The following BMPR1A variants were observed in gnomAD, a reference collection of about 807,000 sequenced individuals.
BMPR1A encodes bone morphogenetic protein receptor type 1A.
A neutral mutation model predicts 66.0 loss-of-function variants in BMPR1A; 7 were observed. The observed-to-expected ratio is 0.11, with a 90% confidence interval of 0.06 to 0.20. The LOEUF is 0.20. Ranked by LOEUF, BMPR1A falls within the 10% of genes least tolerant of loss-of-function variation. BMPR1A has a pLI of 1.00. For missense variants in BMPR1A, 408 were observed against 669.1 expected (o/e 0.61, Z 4.31); for synonymous variants, 200 against 229.7 (o/e 0.87, Z 1.17).
intron 1 of BMPR1A, among the ~76,000 whole-genome samples, chr10:86,815,620 G>A (rs957809282): frequency 5.9e-5 from 9 of 152,282 alleles, no homozygotes; most frequent in African/African-American, 2.2e-4. Flanking sequence ...GGTTTTATCT[G>A]TAACTGGAGA....
chr10:86,873,438 TA>T (rs56028836), intron 2 of BMPR1A, among the ~76,000 whole-genome samples: 2,192 of 136,636 alleles, frequency 0.016, 27 homozygotes, highest in African/African-American at 0.042. Flanking sequence ...CCTATTAAAT[TA>T]AAAAAAAAAA....
chr10:86,801,967 G>T (rs1245255976), intron 1 of BMPR1A, among the ~76,000 whole-genome samples: 2 of 151,910 alleles, frequency 1.3e-5, no homozygotes, highest in Admixed American at 6.6e-5. Context: ...GCCCCCCTCC[G>T]CCTTCCAAAG....
intron 1 of BMPR1A, among the ~76,000 whole-genome samples, chr10:86,793,919 T>C (rs920674335): frequency 1.3e-5 from 2 of 152,162 alleles, no homozygotes; most frequent in African/African-American, 4.8e-5. Flanking sequence ...CATTCCTGGA[T>C]CAGGCTCCCC....
intron 1 of BMPR1A, among the ~76,000 whole-genome samples, chr10:86,808,910 CA>C (rs1841928296): frequency 6.6e-6 from 1 of 152,180 alleles, no homozygotes; most frequent in Non-Finnish European, 1.5e-5. Flanking sequence ...TGATTCATCA[CA>C]GGTTACTTAT....
intron 1 of BMPR1A, among the ~76,000 whole-genome samples, chr10:86,821,926 C>A (rs948658143): frequency 1.3e-5 from 2 of 152,154 alleles, no homozygotes; most frequent in African/African-American, 4.8e-5. Context: ...ACTTCAGCCT[C>A]CTGAGTAGCT....
intron 10 of BMPR1A, among the ~76,000 whole-genome samples, chr10:86,920,337 G>A (rs1403540448): frequency 1.3e-5 from 2 of 149,562 alleles, no homozygotes; most frequent in Admixed American, 6.7e-5. Flanking sequence ...TAGAGATAAG[G>A]ATGTCATTTT....
intron 2 of BMPR1A, among the ~76,000 whole-genome samples, chr10:86,842,838 T>C (rs1315249890): frequency 6.6e-6 from 1 of 152,066 alleles, no homozygotes; most frequent in Non-Finnish European, 1.5e-5. Context: ...TCTTACAAAA[T>C]CATCAGATCT....
rs1483114515 is a variant in BMPR1A at position 86,924,868 on chromosome 10, A to G, written c.*1149A>G. ...AAAGTAGAACTAAATATAAATTTTC[A>G]GAATTAATGCATTCAAAGTAATATA... On this transcript the variant is annotated 3_prime_UTR_variant, in exon 13 of 13. Coordinates refer to ENST00000372037, the MANE Select transcript of BMPR1A (RefSeq NM_004329.3). 6.9e-5 allele frequency: 16 copies of G among 232,238 alleles called. No homozygotes were observed. Among genetic ancestry groups the G allele is most frequent in the Non-Finnish European group, 1.2e-4 (14 of 117,520 alleles). The allele number at this position is 232,238 out of a possible 1,614,324, so 14.4% of individuals were successfully genotyped here. A position where few individuals can be genotyped will look rare whatever the true frequency, so the allele number is the denominator to read the frequency against.
chr10:86,883,774 CAAAAA>C (rs920452633), intron 3 of BMPR1A, among the ~76,000 whole-genome samples: 1 of 148,992 alleles, frequency 6.7e-6, no homozygotes, highest in Non-Finnish European at 1.5e-5. Context: ...CATTTCAAAA[CAAAAA>C]AAACAAAAAG....
intron 2 of BMPR1A, chr10:86,855,327 T>A: frequency 1.1e-6 from 1 of 928,176 alleles, no homozygotes; most frequent in Non-Finnish European, 1.5e-6. Context: ...AAACTTTAAG[T>A]AAGTTTCTAT....
rs876659520 is a variant in BMPR1A, at chr10:86,917,289, C to A, written c.831C>A (p.Ile277=). Residue 277 remains isoleucine (I), a synonymous_variant, in exon 9 of 13, where the codon ATC becomes ATA. Coordinates refer to ENST00000372037, the MANE Select transcript of BMPR1A (RefSeq NM_004329.3). ...CCAGCTGGTTTCGAGAAACAGAAATCTACCAAACTGTGCTAATGCGCCATG... is the reference window on the plus strand; with the variant it reads ...CCAGCTGGTTTCGAGAAACAGAAATATACCAAACTGTGCTAATGCGCCATG... ...EEASWFRETE[I]YQTVLMRHEN... The A allele has an allele frequency of 1.9e-5, 31 of 1,614,132 alleles. No individual in the cohort carries two copies. The highest frequency in any genetic ancestry group is 2.6e-5 in the Non-Finnish European group (31 of 1,180,014).
chr10:86,794,986 G>A (rs773266416), intron 1 of BMPR1A, among the ~76,000 whole-genome samples: 6 of 151,684 alleles, frequency 4.0e-5, no homozygotes, highest in Non-Finnish European at 8.8e-5. Context: ...CGAGTAGCTG[G>A]GATTACAGGC....
At chr10:86,908,622 C>T (rs927164857) in intron 7 of BMPR1A, among the ~76,000 whole-genome samples, 60 of 152,172 alleles carry the variant, frequency 3.9e-4, no homozygotes, top group Non-Finnish European at 3.8e-4. Flanking sequence ...CAGCTCTTAC[C>T]ACGTCATTGC....
chr10:86,845,984 G>C (rs192426521), intron 2 of BMPR1A, among the ~76,000 whole-genome samples: 1 of 150,630 alleles, frequency 6.6e-6, no homozygotes, highest in Non-Finnish European at 1.5e-5. Flanking sequence ...GTGACAGAGC[G>C]AGACTCCGTC....
chr10:86,800,937 G>A (rs1443969734), intron 1 of BMPR1A, among the ~76,000 whole-genome samples: 2 of 152,130 alleles, frequency 1.3e-5, no homozygotes, highest in Non-Finnish European at 2.9e-5. Flanking sequence ...TAATCTTCAC[G>A]TACTTACGTA....
At chr10:86,888,223 G>A (rs1425150189) in intron 3 of BMPR1A, among the ~76,000 whole-genome samples, 1 of 151,456 alleles carries the variant, frequency 6.6e-6, no homozygotes, top group Non-Finnish European at 1.5e-5. Context: ...CAGCACTTTG[G>A]GAGACTGAGG....
rs368350139 is a variant in BMPR1A, at chr10:86,910,058, C to T, written c.531-2182C>T. On this transcript the variant is annotated intron_variant, in intron 7 of 12. Coordinates refer to ENST00000372037, the MANE Select transcript of BMPR1A (RefSeq NM_004329.3). ...CAAATATTACCAGTAGGTGGCCGGG[C>T]GCAGTGGCACACATCTGTAATCCCA... Among the ~76,000 whole-genome samples, 14 of 152,104 alleles carry T rather than the reference C, an allele frequency of 9.2e-5. No individual in the cohort carries two copies. In the East Asian group the frequency reaches 1.4e-3, roughly 15 times the overall value.
chr10:86,825,376 C>G (rs1448413269), intron 1 of BMPR1A, among the ~76,000 whole-genome samples: 1 of 152,110 alleles, frequency 6.6e-6, no homozygotes, highest in Non-Finnish European at 1.5e-5. Context: ...AATAAACATC[C>G]TTGCCCTCAA....
chr10:86,794,208 G>A (rs1841671373), intron 1 of BMPR1A, among the ~76,000 whole-genome samples: 1 of 152,162 alleles, frequency 6.6e-6, no homozygotes, highest in Non-Finnish European at 1.5e-5. Flanking sequence ...TTGGTTTTTA[G>A]TCAGCTACAT....
Sources: gnomAD v4.1 joint callset for allele counts (sites outside exome capture counted in the v4.1 genomes callset) on GRCh38, gnomAD v4.1.1 for gene constraint, MANE v1.5 for transcripts, NCBI Gene and HGNC (gene_info 2026-07-23, HGNC 2026-07-21) for gene names.